Variants in ZRANB3 observed in about 807,000 individuals in gnomAD.
ZRANB3 encodes DNA annealing helicase and endonuclease ZRANB3.
ZRANB3 carries 125 observed loss-of-function variants against 133.8 expected under a neutral mutation model. The ratio of observed to expected loss-of-function variants is 0.93; its 90% CI spans 0.81 to 1.08. The LOEUF is 1.08. ZRANB3 is among the 50% of genes least tolerant of loss of function. The probability of loss-of-function intolerance (pLI) is 0.00; values close to 1 mark genes in which losing one functional copy is unlikely to be tolerated. For missense variants in ZRANB3, 1,229 were observed against 1,275.5 expected (o/e 0.96, Z 0.56); for synonymous variants, 387 against 432.7 (o/e 0.89, Z 1.31).
chr2:135,234,450 G>A (rs1695194944), intron 12 of ZRANB3, among the ~76,000 whole-genome samples: 1 of 152,140 alleles, frequency 6.6e-6, no homozygotes, highest in African/African-American at 2.4e-5. Context: ...AGACCTAACA[G>A]ACATCTATAG....
Position 135,230,616 on chromosome 2 carries a change from G to T in ZRANB3, c.1851C>A (p.Thr617=). 1.9e-6 allele frequency: 3 copies of T among 1,612,992 alleles called. No individual in the cohort carries two copies. The highest frequency in any genetic ancestry group is 2.5e-6 in the Non-Finnish European group (3 of 1,179,630). ...GCCAGCCCTCTACAGGAAAGGCTGG[G>T]GTGGTTAACTGGGCCTTGGCCTCCT... ...SVQEAKAQLT[T]PAFPVEGWQC... is the part of the protein sequence containing the mutation. The change falls in exon 13 of 21, where the codon ACC becomes ACA. Residue 617 remains threonine (T), a synonymous_variant. Coordinates refer to ENST00000264159, the MANE Select transcript of ZRANB3 (RefSeq NM_032143.4).
At chr2:135,203,535 C>T (rs1325140748) in intron 19 of ZRANB3, among the ~76,000 whole-genome samples, 1 of 145,010 alleles carries the variant, frequency 6.9e-6, no homozygotes. Context: ...AGGAGAATGG[C>T]GTGAACCCGG....
intron 6 of ZRANB3, among the ~76,000 whole-genome samples, chr2:135,335,193 T>C (rs1684315174): frequency 6.6e-6 from 1 of 152,156 alleles, no homozygotes; most frequent in Admixed American, 6.5e-5. Flanking sequence ...CATAAAAATT[T>C]AGACAACGAA....
At chr2:135,499,312 G>A (rs1269281929) in intron 2 of ZRANB3, among the ~76,000 whole-genome samples, 2 of 152,150 alleles carry the variant, frequency 1.3e-5, no homozygotes, top group Admixed American at 6.5e-5. Context: ...AGAAGTGCCA[G>A]CCATAGAATG....
intron 3 of ZRANB3, among the ~76,000 whole-genome samples, chr2:135,365,982 G>C (rs1685916402): frequency 6.6e-6 from 1 of 152,148 alleles, no homozygotes; most frequent in Non-Finnish European, 1.5e-5. Flanking sequence ...CCACTTATTT[G>C]TAACAAAGGG....
chr2:135,481,425 G>A (rs1260325616), intron 2 of ZRANB3, among the ~76,000 whole-genome samples: 1 of 152,156 alleles, frequency 6.6e-6, no homozygotes, highest in Non-Finnish European at 1.5e-5. Context: ...TTTGAGAAGT[G>A]TCTGTTCATA....
At chr2:135,407,975 G>T (rs1688121149) in intron 2 of ZRANB3, among the ~76,000 whole-genome samples, 1 of 151,422 alleles carries the variant, frequency 6.6e-6, no homozygotes, top group Non-Finnish European at 1.5e-5. Context: ...TTGTCAAATG[G>T]GATCTAATTA....
chr2:135,242,632 T>C (rs1002423146), intron 12 of ZRANB3, among the ~76,000 whole-genome samples: 1 of 152,122 alleles, frequency 6.6e-6, no homozygotes, highest in Non-Finnish European at 1.5e-5. Context: ...CCTTCCGTCC[T>C]GGGAAGTTTT....
chr2:135,410,920 C>G (rs1051745234), intron 2 of ZRANB3, among the ~76,000 whole-genome samples: 1 of 152,136 alleles, frequency 6.6e-6, no homozygotes, highest in South Asian at 2.1e-4. Flanking sequence ...CCATCTCACA[C>G]CAGTCAGAAT....
At chr2:135,420,067 A>G (rs1468293609) in intron 2 of ZRANB3, among the ~76,000 whole-genome samples, 2 of 137,808 alleles carry the variant, frequency 1.5e-5, no homozygotes, top group African/African-American at 5.2e-5. Context: ...GATTTTACGT[A>G]AGATACATAT....
rs77223590 is a variant in ZRANB3 at position 135,238,565 on chromosome 2, G to T, written c.1540-7638C>A. On this transcript the variant is annotated intron_variant, in intron 12 of 20. Transcript: ENST00000264159. Reference sequence around the variant, plus strand: ...TTTTAGTAGAGATGGGGTTTCACCTGGTTGCCCAGGTGGGTCTTGAACTCC... The same window carrying T: ...TTTTAGTAGAGATGGGGTTTCACCTTGTTGCCCAGGTGGGTCTTGAACTCC... Among the ~76,000 whole-genome samples, 450 of 152,032 alleles carry T rather than the reference G, an allele frequency of 3.0e-3. 3 individuals carry two copies. Among genetic ancestry groups the T allele is most frequent in the African/African-American group, 0.01 (419 of 41,470 alleles).
At chr2:135,501,796 T>C (rs1692959816) in intron 2 of ZRANB3, among the ~76,000 whole-genome samples, 1 of 152,158 alleles carries the variant, frequency 6.6e-6, no homozygotes, top group Non-Finnish European at 1.5e-5. Context: ...AGATCAAATG[T>C]TTCCAGTAAG....
chr2:135,530,136 A>AG (rs998685167), intron 1 of ZRANB3, among the ~76,000 whole-genome samples: 1 of 150,886 alleles, frequency 6.6e-6, no homozygotes, highest in Non-Finnish European at 1.5e-5. Flanking sequence ...CTGAGACAGG[A>AG]GAATGGCGTG....
chr2:135,327,478 A>C (rs535124690), intron 6 of ZRANB3, among the ~76,000 whole-genome samples: 1 of 152,360 alleles, frequency 6.6e-6, no homozygotes, highest in Non-Finnish European at 1.5e-5. Context: ...AAAGTTGACT[A>C]AGAAAGGAAC....
In ZRANB3 at chr2:135,207,571, A is replaced by G. The variant is rs1214523059; in HGVS notation, c.2872T>C (p.Phe958Leu). 1.9e-6 allele frequency: 3 copies of G among 1,613,914 alleles called. No homozygotes were observed. Among genetic ancestry groups the G allele is most frequent in the Non-Finnish European group, 2.5e-6 (3 of 1,179,896 alleles). ...TGACACACACCATGTTCAGTTTCAA[A>G]TACTTTGGCTCTCAGGTAACTGTTA... is the stretch of plus-strand genomic sequence containing the variant. ...SNNSYLRAKV[F>L]ETEHGVCQLC... The change falls in exon 19 of 21, where the codon TTT (phenylalanine) becomes CTT (leucine). Residue 958 changes from phenylalanine (F) to leucine (L), a missense_variant. By Grantham distance (22) the Phe-to-Leu change is conservative (BLOSUM62 0). Coordinates refer to ENST00000264159, the MANE Select transcript of ZRANB3 (RefSeq NM_032143.4).
Position 135,230,495 on chromosome 2 carries a change from C to A in ZRANB3, c.1954+18G>T, listed in dbSNP as rs1694951685. 1.4e-6 allele frequency: 2 copies of A among 1,472,442 alleles called. No individual in the cohort carries two copies. The highest frequency in any genetic ancestry group is 3.2e-5 in the South Asian group (2 of 62,570). 91.2% of individuals were successfully genotyped at this position (1,472,442 alleles called of 1,614,324 possible). A position where few individuals can be genotyped will look rare whatever the true frequency, so the allele number is the denominator to read the frequency against. Reference sequence around the variant, plus strand: ...CACTAACAGCCCTTACCTCCATGGTCACCTTCTATATACTCACCAGCACTG... The same window carrying A: ...CACTAACAGCCCTTACCTCCATGGTAACCTTCTATATACTCACCAGCACTG... On this transcript the variant is annotated intron_variant, in intron 13 of 20. Coordinates refer to ENST00000264159, the MANE Select transcript of ZRANB3 (RefSeq NM_032143.4).
chr2:135,281,284 T>C (rs1180995495), intron 8 of ZRANB3, among the ~76,000 whole-genome samples: 1 of 152,112 alleles, frequency 6.6e-6, no homozygotes, highest in Admixed American at 6.5e-5. Context: ...TCCCTTTAAG[T>C]CCTGAAGTCC....
chr2:135,275,246 CG>C, intron 9 of ZRANB3, among the ~76,000 whole-genome samples: 1 of 138,042 alleles, frequency 7.2e-6, no homozygotes, highest in Admixed American at 7.3e-5. Context: ...GCTGGCCGGG[CG>C]GGGGCTGCCC....
chr2:135,398,069 A>C (rs1295541113), intron 2 of ZRANB3, among the ~76,000 whole-genome samples: 1 of 151,370 alleles, frequency 6.6e-6, no homozygotes, highest in Admixed American at 6.6e-5. Context: ...CTTATTATTT[A>C]TTTATTTATT....
Sources: allele counts gnomAD v4.1 joint callset (sites outside exome capture counted in the v4.1 genomes callset), GRCh38; gene constraint gnomAD v4.1.1; transcripts MANE v1.5; gene names NCBI Gene and HGNC (gene_info 2026-07-23, HGNC 2026-07-21).